ADAMTS19: variants seen among roughly 807,000 people sequenced by gnomAD.
ADAMTS19 encodes the protein A disintegrin and metalloproteinase with thrombospondin motifs 19.
Under a neutral mutation model 153.3 loss-of-function variants are expected in ADAMTS19, and 93 were observed. That is an observed-to-expected ratio of 0.61 (90% CI 0.51 to 0.72). ADAMTS19 has a LOEUF of 0.72. ADAMTS19 is among the 30% of genes least tolerant of loss of function. ADAMTS19 has a pLI of 0.00. For synonymous variants in ADAMTS19, 600 were observed against 556.6 expected (o/e 1.08, Z -1.10); for missense variants, 1,482 against 1,552.1 (o/e 0.95, Z 0.76).
At chr5:129,694,489 A>C (rs548466355) in intron 18 of ADAMTS19, among the ~76,000 whole-genome samples, 62 of 152,216 alleles carry the variant, frequency 4.1e-4, no homozygotes, top group African/African-American at 1.5e-3. Flanking sequence ...AAATATTTAA[A>C]TGATGAATAT....
At chr5:129,691,751 T>C (rs1316635935) in intron 18 of ADAMTS19, among the ~76,000 whole-genome samples, 1 of 152,172 alleles carries the variant, frequency 6.6e-6, no homozygotes, top group Non-Finnish European at 1.5e-5. Flanking sequence ...TGCACCTTCA[T>C]ACTTTCTTAG....
intron 3 of ADAMTS19, among the ~76,000 whole-genome samples, chr5:129,522,959 G>A (rs1302538077): frequency 6.6e-6 from 1 of 151,966 alleles, no homozygotes; most frequent in Non-Finnish European, 1.5e-5. Context: ...GAGAGGCAGA[G>A]GCAGGAGAAT....
At chr5:129,495,807 G>A (rs543757386) in intron 2 of ADAMTS19, among the ~76,000 whole-genome samples, 6 of 152,154 alleles carry the variant, frequency 3.9e-5, no homozygotes, top group African/African-American at 1.4e-4. Flanking sequence ...ACGTGGCCTG[G>A]TATACACAGA....
chr5:129,722,457 C>G (rs112957176), intron 21 of ADAMTS19, among the ~76,000 whole-genome samples: 2,992 of 151,824 alleles, frequency 0.02, 87 homozygotes, highest in African/African-American at 0.066. Flanking sequence ...TTTTTGTCTT[C>G]TAAATTTGTT....
intron 8 of ADAMTS19, among the ~76,000 whole-genome samples, chr5:129,607,074 C>T (rs1253971908): frequency 6.6e-6 from 1 of 152,006 alleles, no homozygotes; most frequent in Non-Finnish European, 1.5e-5. Context: ...CTCAGCACCC[C>T]ACCCAGCTAA....
At chr5:129,577,644 T>C (rs1013403855) in intron 7 of ADAMTS19, among the ~76,000 whole-genome samples, 2 of 152,178 alleles carry the variant, frequency 1.3e-5, no homozygotes, top group Admixed American at 6.6e-5. Flanking sequence ...GATGTAACGA[T>C]GCTTGCTCAC....
chr5:129,581,604 A>G (rs1480370333), intron 7 of ADAMTS19, among the ~76,000 whole-genome samples: 1 of 147,532 alleles, frequency 6.8e-6, no homozygotes, highest in African/African-American at 2.5e-5. Flanking sequence ...TGTCTCCTTT[A>G]GTTCTGCTCT....
chr5:129,686,364 G>A lies in ADAMTS19; in HGVS notation c.2818+2091G>A, dbSNP rs762395455. Among the ~76,000 whole-genome samples the A allele has an allele frequency of 2.6e-5, 4 of 152,228 alleles. No homozygotes were observed. The South Asian group carries it at 8.3e-4, about 32-fold the overall frequency. On this transcript the variant is annotated intron_variant, in intron 18 of 22. Coordinates refer to ENST00000274487, the MANE Select transcript of ADAMTS19 (RefSeq NM_133638.6). ...GTAAAATGGTGATAGGATTGATGGA[G>A]TATAGGGTCTTGAGGGGTTAAAGAA...
At chr5:129,685,555 C>T (rs1381307641) in intron 18 of ADAMTS19, among the ~76,000 whole-genome samples, 1 of 151,994 alleles carries the variant, frequency 6.6e-6, no homozygotes, top group Non-Finnish European at 1.5e-5. Flanking sequence ...ATATTTGGAA[C>T]ATGAAAGTCA....
At position 129,461,592 on chromosome 5, in the gene ADAMTS19, G is replaced by A; in HGVS notation, c.582G>A (p.Ala194=). 2 of 1,580,978 alleles carry A rather than the reference G, an allele frequency of 1.3e-6. No individual in the cohort carries two copies. The highest frequency in any genetic ancestry group is 2.2e-5 in the South Asian group (2 of 89,456). ...TCCGGAGAGACGGCCGCTTCCTGGCGCCGCGCTTCGCAGTGGAACAGCGGC... is the reference window on the plus strand; with the variant it reads ...TCCGGAGAGACGGCCGCTTCCTGGCACCGCGCTTCGCAGTGGAACAGCGGC... ...LLLRRDGRFL[A]PRFAVEQRPN... is the part of the protein sequence containing the mutation. The change falls in exon 2 of 23, where the codon GCG becomes GCA. Residue 194 remains alanine (A), a synonymous_variant. Transcript: ENST00000274487. The surrounding 1 kb of genome is among the most constrained non-coding windows in gnomAD (Gnocchi z 4.6).
chr5:129,661,396 A>G (rs2127073013), intron 15 of ADAMTS19, among the ~76,000 whole-genome samples: 1 of 152,324 alleles, frequency 6.6e-6, no homozygotes, highest in Middle Eastern at 3.4e-3. Context: ...CACAGGCACC[A>G]TCTACTTTTG....
chr5:129,484,052 A>G (rs571538892), intron 2 of ADAMTS19, among the ~76,000 whole-genome samples: 34 of 152,264 alleles, frequency 2.2e-4, no homozygotes, highest in African/African-American at 7.9e-4. Flanking sequence ...GAATATTAAC[A>G]CAGTTATTAA....
rs1447930715 is a variant in ADAMTS19, at chr5:129,636,089, G to A, written c.1771-5770G>A. Among the ~76,000 whole-genome samples the A allele has an allele frequency of 5.9e-5, 9 of 152,114 alleles. No individual in the cohort carries two copies. In the East Asian group the frequency reaches 1.7e-3, roughly 29 times the overall value. Reference sequence around the variant, plus strand: ...TTTTTGTATTTTTAGTAGAGACAAGGTATTACCGTGTTAGCTAGGCTGGTC... The same window carrying A: ...TTTTTGTATTTTTAGTAGAGACAAGATATTACCGTGTTAGCTAGGCTGGTC... On this transcript the variant is annotated intron_variant, in intron 10 of 22. Transcript: ENST00000274487.
At chr5:129,578,136 AC>A (rs1044186221) in intron 7 of ADAMTS19, among the ~76,000 whole-genome samples, 7 of 129,744 alleles carry the variant, frequency 5.4e-5, no homozygotes, top group Middle Eastern at 3.9e-3. Context: ...ACGTACATAT[AC>A]CTATATGCAT....
intron 6 of ADAMTS19, among the ~76,000 whole-genome samples, chr5:129,535,499 G>T (rs368690005): frequency 2.6e-5 from 4 of 152,012 alleles, no homozygotes; most frequent in South Asian, 2.1e-4. Context: ...AGGTAATTTA[G>T]AGATTCAATG....
intron 6 of ADAMTS19, among the ~76,000 whole-genome samples, chr5:129,538,510 T>G (rs1176900259): frequency 6.6e-6 from 1 of 152,148 alleles, no homozygotes; most frequent in Non-Finnish European, 1.5e-5. Context: ...CATGTTGAAC[T>G]GACCACTCTT....
At chr5:129,665,412 C>T (rs75440085) in intron 15 of ADAMTS19, 87 bp from the exon 16 acceptor site, 1 of 1,182,888 alleles carries the variant, frequency 8.5e-7, no homozygotes, top group African/African-American at 1.6e-5. Flanking sequence ...ATAACCAAAA[C>T]CAAAAGGAAA....
Position 129,539,661 on chromosome 5 carries a change from A to G in ADAMTS19, c.1328+10984A>G, listed in dbSNP as rs114676695. On this transcript the variant is annotated intron_variant, in intron 6 of 22. Transcript: ENST00000274487. ...AATTTATTCAACTACTTATCTGTTT[A>G]TAGAACTTTCTAATTTTTTGCTGTT... is the stretch of plus-strand genomic sequence containing the variant. Among the ~76,000 whole-genome samples, 556 of 152,254 alleles carry G rather than the reference A, an allele frequency of 3.7e-3. 2 individuals carry two copies. Among genetic ancestry groups the G allele is most frequent in the Admixed American group, 6.6e-3 (100 of 15,248 alleles).
chr5:129,705,946 A>G (rs1756131518), intron 21 of ADAMTS19, among the ~76,000 whole-genome samples: 1 of 152,202 alleles, frequency 6.6e-6, no homozygotes, highest in African/African-American at 2.4e-5. Context: ...CTATATGTAT[A>G]ACAACTTTTC....
Sources: gnomAD v4.1 joint callset for allele counts (sites outside exome capture counted in the v4.1 genomes callset) on GRCh38, gnomAD v4.1.1 for gene constraint, Gnocchi (gnomAD v3.1) non-coding constraint, MANE v1.5 for transcripts, NCBI Gene and HGNC (gene_info 2026-07-23, HGNC 2026-07-21) for gene names.